TM9SF4: variants seen among roughly 807,000 people sequenced by gnomAD.
TM9SF4 encodes dinucleotide oxidase disulfide thiol exchanger 3 superfamily member 4.
A neutral mutation model predicts 90.4 loss-of-function variants in TM9SF4; 26 were observed. The observed-to-expected ratio is 0.29, with a 90% CI of 0.21 to 0.40. TM9SF4 has a LOEUF of 0.40. Ranked by LOEUF, TM9SF4 falls within the 10% of genes least tolerant of loss-of-function variation. The probability of loss-of-function intolerance (pLI) is 1.00; values close to 1 mark genes in which losing one functional copy is unlikely to be tolerated. For synonymous variants in TM9SF4, 293 were observed against 315.4 expected, an observed-to-expected ratio of 0.93 and a Z score of 0.75; for missense variants, 549 against 834.8, an observed-to-expected ratio of 0.66 and a Z score of 4.22.
At chr20:32,150,356 C>T (rs2046823649) in intron 10 of TM9SF4, among the ~76,000 whole-genome samples, 1 of 152,230 alleles carries the variant, frequency 6.6e-6, no homozygotes, top group South Asian at 2.1e-4. Context: ...ACTGCAAGTG[C>T]TCTGTGGACC....
intron 7 of TM9SF4, 26 bp downstream of exon 7, chr20:32,145,235 C>G: frequency 1.2e-6 from 2 of 1,613,258 alleles, no homozygotes; most frequent in Non-Finnish European, 1.7e-6. Flanking sequence ...AGCTCATGGG[C>G]AGGGGAGGAG....
intron 1 of TM9SF4, among the ~76,000 whole-genome samples, chr20:32,131,980 A>G (rs2046522233): frequency 6.6e-6 from 1 of 152,232 alleles, no homozygotes; most frequent in Non-Finnish European, 1.5e-5. Flanking sequence ...TGTCAATTAG[A>G]TAAGTCCATG....
intron 9 of TM9SF4, 54 bp downstream of exon 9, chr20:32,146,909 C>A: frequency 6.7e-7 from 1 of 1,502,332 alleles, no homozygotes; most frequent in Non-Finnish European, 9.2e-7. Context: ...GGAGGAGGAC[C>A]GTGTGTGTGC....
In TM9SF4 at chr20:32,141,783, C is replaced by T; in HGVS notation, c.416C>T (p.Pro139Leu). 1 of 1,614,204 alleles carries T rather than the reference C, an allele frequency of 6.2e-7. No homozygotes were observed. ...YYVHLIADNL[P>L]VATRLELYSN... ...CTTTCCAGCATTGCTGACAACCTGC[C>T]TGTGGCCACCCGGCTGGAGCTCTAC... The change falls in exon 5 of 18, where the codon CCT (proline) becomes CTT (leucine). Residue 139 changes from proline (P) to leucine (L), a missense_variant. Pro to Leu is a moderately conservative substitution (Grantham distance 98). Around this residue, in one of 2 missense-constraint regions of TM9SF4, gnomAD observed 495 missense variants for 711.7 expected, o/e 0.70. Coordinates refer to ENST00000398022, the MANE Select transcript of TM9SF4 (RefSeq NM_014742.4).
intron 1 of TM9SF4, among the ~76,000 whole-genome samples, chr20:32,122,433 C>G (rs1412645854): frequency 2.0e-5 from 3 of 151,034 alleles, no homozygotes; most frequent in African/African-American, 7.3e-5. Flanking sequence ...GGCGGAGAGG[C>G]TCCTCACTTC....
rs763465137 is a variant in TM9SF4, at chr20:32,136,029, A to C, written c.130-45A>C. 3.2e-6 allele frequency: 5 copies of C among 1,554,482 alleles called. No homozygotes were observed. The South Asian group carries it at 4.5e-5, about 14-fold the overall frequency. On this transcript the variant is annotated intron_variant, in intron 2 of 17. Coordinates refer to ENST00000398022, the MANE Select transcript of TM9SF4 (RefSeq NM_014742.4). The stretch of plus-strand genomic sequence containing the variant: ...AGTGTACTAAAGATGTGTGGGTACC[A>C]GGGAGGATTATTGGTCATCTTGGTT...
chr20:32,129,597 ATT>A (rs34093111), intron 1 of TM9SF4, among the ~76,000 whole-genome samples: 42 of 139,584 alleles, frequency 3.0e-4, no homozygotes, highest in African/African-American at 3.7e-4. Context: ...TAAGTAGTGA[ATT>A]TTTTTTTTTT....
At chr20:32,157,771 G>T (rs770688907) in intron 13 of TM9SF4, 23 bp from the exon 14 acceptor site, 206 of 1,612,592 alleles carry the variant, frequency 1.3e-4, no homozygotes, top group Non-Finnish European at 1.7e-4. Context: ...CCTCGTGGGG[G>T]CCTCATGGTG....
At chr20:32,155,027 TG>T in intron 12 of TM9SF4, 75 bp from the exon 13 acceptor site, 1 of 1,074,582 alleles carries the variant, frequency 9.3e-7, no homozygotes, top group Non-Finnish European at 1.4e-6. Flanking sequence ...TAAGAGCTTC[TG>T]GTCTGGGGGC....
In TM9SF4 at chr20:32,166,926, C is replaced by G. The variant is rs1358135025; in HGVS notation, c.*1482C>G. ...GCCCCACATTCTCCCAGTGGCTCTA[C>G]CAGCCTCACCCATCAAACCAGTGAA... is the stretch of plus-strand genomic sequence containing the variant. On this transcript the variant is annotated 3_prime_UTR_variant, in exon 18 of 18. Coordinates refer to ENST00000398022, the MANE Select transcript of TM9SF4 (RefSeq NM_014742.4). 1 of 152,128 alleles carries G rather than the reference C, an allele frequency of 6.6e-6. No individual in the cohort carries two copies. The highest frequency in any genetic ancestry group is 1.5e-5 in the Non-Finnish European group (1 of 68,056). The allele number at this position is 152,128 out of a possible 1,614,324, so 9.4% of individuals were successfully genotyped here.
chr20:32,167,165 T>A lies in TM9SF4; in HGVS notation c.*1721T>A, dbSNP rs11544376. 6.6e-6 allele frequency: 1 copy of A among 152,192 alleles called. No homozygotes were observed. The highest frequency in any genetic ancestry group is 2.4e-5 in the African/African-American group (1 of 41,450). The allele number at this position is 152,192 out of a possible 1,614,324, so 9.4% of individuals were successfully genotyped here. ...TTCAAAGATCATCAATTTTTCTGACTTTTTAAATCATTATCATTATTATTT... is the reference window on the plus strand; with the variant it reads ...TTCAAAGATCATCAATTTTTCTGACATTTTAAATCATTATCATTATTATTT... On this transcript the variant is annotated 3_prime_UTR_variant, in exon 18 of 18. Transcript: ENST00000398022.
rs780882101 is a variant in TM9SF4 at position 32,146,778 on chromosome 20, A to G, written c.884-7A>G. On this transcript the variant is annotated splice_region_variant and splice_polypyrimidine_tract_variant and intron_variant, in intron 8 of 17. Coordinates refer to ENST00000398022, the MANE Select transcript of TM9SF4 (RefSeq NM_014742.4). ...CTTCTCCTCATCCTCACCGCCATCT[A>G]TTTCAGGTATCCTGAGCATGATTAT... 17 of 1,613,958 alleles carry G rather than the reference A, an allele frequency of 1.1e-5. No homozygotes were observed. Among genetic ancestry groups the G allele is most frequent in the Non-Finnish European group, 1.4e-5 (16 of 1,179,930 alleles).
At chr20:32,144,044 C>T (rs999394257) in intron 6 of TM9SF4, among the ~76,000 whole-genome samples, 2 of 152,146 alleles carry the variant, frequency 1.3e-5, no homozygotes, top group Non-Finnish European at 2.9e-5. Context: ...CTCCTGGGTT[C>T]AAGCAATTCT....
intron 1 of TM9SF4, among the ~76,000 whole-genome samples, chr20:32,126,599 C>T (rs1285919650): frequency 2.0e-5 from 3 of 152,194 alleles, no homozygotes; most frequent in African/African-American, 7.2e-5. Flanking sequence ...CATCTGGGAC[C>T]TAGTGTTGTG....
At chr20:32,145,033 GC>G in intron 6 of TM9SF4, 57 bp from the exon 7 acceptor site, 1 of 1,546,390 alleles carries the variant, frequency 6.5e-7, no homozygotes, top group Non-Finnish European at 8.9e-7. Flanking sequence ...CCCTGGAATA[GC>G]CCCTGGGCAG....
At chr20:32,112,635 A>G (rs1160761472) in intron 1 of TM9SF4, among the ~76,000 whole-genome samples, 1 of 150,506 alleles carries the variant, frequency 6.6e-6, no homozygotes, top group South Asian at 2.1e-4. Flanking sequence ...CGGAGGCTAC[A>G]GTGAGCCAAG....
chr20:32,154,941 C>A (rs751902391), intron 12 of TM9SF4, among the ~76,000 whole-genome samples, 162 bp from the exon 13 acceptor site: 1 of 152,164 alleles, frequency 6.6e-6, no homozygotes, highest in Admixed American at 6.5e-5. Flanking sequence ...GAACAGAGTC[C>A]TGCTCAGTCT....
At chr20:32,149,523 C>G in intron 9 of TM9SF4, 111 bp from the exon 10 acceptor site, 1 of 1,403,442 alleles carries the variant, frequency 7.1e-7, no homozygotes, top group Admixed American at 2.0e-5. Flanking sequence ...ACTCCTGTGT[C>G]AGAGCAGCGC....
chr20:32,118,924 C>T (rs371230268), intron 1 of TM9SF4, among the ~76,000 whole-genome samples: 25 of 151,338 alleles, frequency 1.7e-4, no homozygotes, highest in African/African-American at 5.6e-4. Context: ...CTACTCTGCC[C>T]GTAAATGTAT....
Sources: allele counts gnomAD v4.1 joint callset (sites outside exome capture counted in the v4.1 genomes callset), GRCh38; gene constraint gnomAD v4.1.1; regional missense constraint gnomAD v4.1.1; transcripts MANE v1.5; gene names NCBI Gene and HGNC (gene_info 2026-07-23, HGNC 2026-07-21).